The following CDKAL1 variants were observed in gnomAD, a reference collection of about 807,000 sequenced individuals.
The protein encoded by CDKAL1 is threonylcarbamoyladenosine tRNA methylthiotransferase.
CDKAL1 carries 32 observed loss-of-function variants against 68.2 expected under a neutral mutation model. The ratio of observed to expected loss-of-function variants is 0.47; its 90% confidence interval spans 0.35 to 0.63. The LOEUF (loss-of-function observed/expected upper bound fraction) is 0.63, where lower values mean the gene tolerates loss of function less well. CDKAL1 is among the 30% of genes least tolerant of loss of function. The pLI, the probability that CDKAL1 is intolerant of heterozygous loss-of-function variation, is 0.00. For synonymous variants in CDKAL1, 234 were observed against 244.3 expected (o/e 0.96, Z 0.39); for missense variants, 606 against 696.7 (o/e 0.87, Z 1.47).
chr6:20,713,877 A>T (rs1372104343), intron 5 of CDKAL1, among the ~76,000 whole-genome samples: 1 of 152,164 alleles, frequency 6.6e-6, no homozygotes, highest in Non-Finnish European at 1.5e-5. Context: ...TTTTGTAAAA[A>T]TCAAATGTGA....
intron 8 of CDKAL1, among the ~76,000 whole-genome samples, chr6:20,795,643 A>G (rs1156847132): frequency 6.6e-6 from 1 of 152,214 alleles, no homozygotes; most frequent in Non-Finnish European, 1.5e-5. Context: ...ACATTTTCTT[A>G]GTACATAGAC....
At chr6:21,136,060 C>T (rs554978263) in intron 13 of CDKAL1, among the ~76,000 whole-genome samples, 2 of 152,264 alleles carry the variant, frequency 1.3e-5, no homozygotes, top group South Asian at 4.1e-4. Context: ...GGTCTTGCCT[C>T]TTTTTCATGT....
At chr6:20,658,873 A>G (rs1769152478) in intron 5 of CDKAL1, among the ~76,000 whole-genome samples, 1 of 152,224 alleles carries the variant, frequency 6.6e-6, no homozygotes, top group South Asian at 2.1e-4. Context: ...GGAGTGCAGT[A>G]GCACGATCAC....
chr6:21,007,978 A>C lies in CDKAL1; in HGVS notation c.1055+7606A>C, dbSNP rs191997798. ...TGAGGAGAAGAAATTTACAATGTAC[A>C]CTTAGAAGAGAAGATGAGGAAGGCA... On this transcript the variant is annotated intron_variant, in intron 11 of 15. Transcript: ENST00000274695. Among the ~76,000 whole-genome samples the C allele has an allele frequency of 3.7e-4, 56 of 152,362 alleles. 1 individual carries two copies. In the East Asian group the frequency reaches 8.9e-3, roughly 24 times the overall value.
At chr6:20,548,755 C>T (rs1763703937) in intron 4 of CDKAL1, 50 bp downstream of exon 4, 1 of 843,518 alleles carries the variant, frequency 1.2e-6, no homozygotes, top group Non-Finnish European at 1.9e-6. Context: ...CAGAATTAAG[C>T]TTTTAGAGAT....
intron 13 of CDKAL1, among the ~76,000 whole-genome samples, chr6:21,109,313 TTATCTA>T (rs1255614247): frequency 1.3e-5 from 2 of 152,208 alleles, no homozygotes; most frequent in African/African-American, 2.4e-5. Flanking sequence ...ACTTAAATCT[TTATCTA>T]TGAATTTATA....
At chr6:21,192,810 CTT>C (rs34456723) in intron 13 of CDKAL1, among the ~76,000 whole-genome samples, 1,764 of 124,838 alleles carry the variant, frequency 0.014, 41 homozygotes, top group African/African-American at 0.048. Flanking sequence ...TTGAGAGTTC[CTT>C]TTTTTTTTTT....
At chr6:20,978,145 T>C (rs1432471485) in intron 10 of CDKAL1, among the ~76,000 whole-genome samples, 1 of 152,230 alleles carries the variant, frequency 6.6e-6, no homozygotes, top group East Asian at 1.9e-4. Flanking sequence ...GTATCACAGA[T>C]GTGCCTTCCC....
chr6:20,708,348 C>T (rs573924569), intron 5 of CDKAL1, among the ~76,000 whole-genome samples: 57 of 152,192 alleles, frequency 3.7e-4, no homozygotes, highest in Non-Finnish European at 7.1e-4. Flanking sequence ...TTTCTCTCTC[C>T]TTGCAAGGCC....
At chr6:21,214,373 A>G (rs1779269746) in intron 15 of CDKAL1, among the ~76,000 whole-genome samples, 1 of 152,078 alleles carries the variant, frequency 6.6e-6, no homozygotes, top group Non-Finnish European at 1.5e-5. Context: ...AAGGTTTCCC[A>G]GCATGTTCAG....
Position 21,013,965 on chromosome 6 carries a change from G to A in CDKAL1, c.1055+13593G>A, listed in dbSNP as rs114003069. The stretch of plus-strand genomic sequence containing the variant: ...CTGGTGGACAGTCCACAGCATCAAT[G>A]ACTCAGGATTCTGTCCTGTTGCTCA... On this transcript the variant is annotated intron_variant, in intron 11 of 15. Transcript: ENST00000274695. Among the ~76,000 whole-genome samples, 913 of 152,304 alleles carry A rather than the reference G, an allele frequency of 6.0e-3. 11 individuals carry two copies. Among genetic ancestry groups the A allele is most frequent in the African/African-American group, 0.021 (876 of 41,564 alleles).
At chr6:21,046,919 C>A (rs575747871) in intron 11 of CDKAL1, among the ~76,000 whole-genome samples, 1 of 152,336 alleles carries the variant, frequency 6.6e-6, no homozygotes, top group South Asian at 2.1e-4. Context: ...TTCATCTCCT[C>A]CTCGTAAACC....
intron 11 of CDKAL1, among the ~76,000 whole-genome samples, chr6:21,002,856 G>C (rs988511931): frequency 6.6e-6 from 1 of 151,914 alleles, no homozygotes; most frequent in Non-Finnish European, 1.5e-5. Flanking sequence ...GATCGTGTTG[G>C]CTCGCACCTG....
intron 4 of CDKAL1, among the ~76,000 whole-genome samples, chr6:20,637,936 G>A (rs763708491): frequency 1.8e-4 from 27 of 151,746 alleles, no homozygotes; most frequent in Admixed American, 7.2e-4. Context: ...TTTCTGCATT[G>A]GAACTTAGAG....
At chr6:20,696,233 T>A (rs1327261128) in intron 5 of CDKAL1, among the ~76,000 whole-genome samples, 1 of 152,236 alleles carries the variant, frequency 6.6e-6, no homozygotes, top group Non-Finnish European at 1.5e-5. Flanking sequence ...AAGACTGATT[T>A]TAAGAAGTCG....
intron 11 of CDKAL1, among the ~76,000 whole-genome samples, chr6:21,018,928 G>A (rs559058328): frequency 5.3e-5 from 8 of 151,918 alleles, no homozygotes; most frequent in East Asian, 3.9e-4. Context: ...TTGCTTTGTC[G>A]TCTGTCATAC....
chr6:20,905,783 TAAAAG>T (rs1179886343), intron 9 of CDKAL1, among the ~76,000 whole-genome samples: 1 of 151,570 alleles, frequency 6.6e-6, no homozygotes, highest in Non-Finnish European at 1.5e-5. Flanking sequence ...TGGGCCAACA[TAAAAG>T]AAAAAAGAAA....
intron 9 of CDKAL1, among the ~76,000 whole-genome samples, chr6:20,891,109 T>C (rs935422048): frequency 6.6e-6 from 1 of 152,238 alleles, no homozygotes; most frequent in Non-Finnish European, 1.5e-5. Context: ...TCTGACATTC[T>C]GGCCTCAGAG....
chr6:20,685,580 T>C (rs895688083), intron 5 of CDKAL1, among the ~76,000 whole-genome samples: 5 of 152,190 alleles, frequency 3.3e-5, no homozygotes, highest in African/African-American at 1.2e-4. Flanking sequence ...AATCTATAGA[T>C]CAAGTTGGAA....
Sources: allele counts gnomAD v4.1 joint callset (sites outside exome capture counted in the v4.1 genomes callset), GRCh38; gene constraint gnomAD v4.1.1; transcripts MANE v1.5; gene names NCBI Gene and HGNC (gene_info 2026-07-23, HGNC 2026-07-21).